The following ASIC2 variants were observed in gnomAD, a reference collection of about 807,000 sequenced individuals.
The protein encoded by ASIC2 is acid sensing ion channel subunit 2, also known as acid-sensing ion channel 2.
ASIC2 carries 25 observed loss-of-function variants against 57.3 expected under a neutral mutation model. That is an observed-to-expected ratio of 0.44 (90% CI 0.32 to 0.61). ASIC2 has a LOEUF of 0.61. Ranked by LOEUF, ASIC2 falls within the 20% of genes least tolerant of loss-of-function variation. The pLI is 0.06. For missense variants in ASIC2, 641 were observed against 738.1 expected, an observed-to-expected ratio of 0.87 and a Z score of 1.52; for synonymous variants, 319 against 307.5, an observed-to-expected ratio of 1.04 and a Z score of -0.39.
rs200806446 is a variant in ASIC2, at chr17:33,743,068, C to CA, written c.555+412909dup. Among the ~76,000 whole-genome samples the CA allele has an allele frequency of 3.0e-3, 462 of 152,338 alleles. 3 individuals are homozygous for CA. The highest frequency in any genetic ancestry group is 0.011 in the African/African-American group (445 of 41,568). On this transcript the variant is annotated intron_variant, in intron 1 of 9. Coordinates refer to the ASIC2 transcript ENST00000359872. ...TTTATCTTCCTAATGGGTTCAGTCA[C>CA]AAACCTCTCCCTGCTCTTGCAAATA...
chr17:33,942,013 G>A (rs182127969), intron 1 of ASIC2, among the ~76,000 whole-genome samples: 5 of 152,270 alleles, frequency 3.3e-5, no homozygotes, highest in South Asian at 2.1e-4. Context: ...TACGTGTACC[G>A]GGAACAAATA....
chr17:34,038,910 T>C, intron 1 of ASIC2: 1 of 1,612,832 alleles, frequency 6.2e-7, no homozygotes, highest in Admixed American at 1.7e-5. Flanking sequence ...TGTTGCTTGA[T>C]AAGATTCTGA....
intron 1 of ASIC2, among the ~76,000 whole-genome samples, chr17:33,487,942 G>A (rs1913627881): frequency 6.6e-6 from 1 of 152,150 alleles, no homozygotes; most frequent in African/African-American, 2.4e-5. Context: ...AGGTTTTGGG[G>A]ACTCAGACTG....
At chr17:33,155,110 A>G (rs970330955) in intron 1 of ASIC2, among the ~76,000 whole-genome samples, 1 of 152,210 alleles carries the variant, frequency 6.6e-6, no homozygotes, top group African/African-American at 2.4e-5. Flanking sequence ...ATCAACATAG[A>G]GAGCCACAGG....
intron 1 of ASIC2, among the ~76,000 whole-genome samples, chr17:34,135,177 T>C (rs1912093600): frequency 6.6e-6 from 1 of 152,230 alleles, no homozygotes. Context: ...CTCTGAGTTC[T>C]GGCCAGCAAA....
intron 1 of ASIC2, among the ~76,000 whole-genome samples, chr17:33,786,708 C>G (rs1034791356): frequency 2.2e-4 from 33 of 152,276 alleles, no homozygotes; most frequent in African/African-American, 7.9e-4. Context: ...ATCATGTGTC[C>G]TAAGCCCTGG....
intron 1 of ASIC2, among the ~76,000 whole-genome samples, chr17:33,922,305 C>T (rs938745830): frequency 6.6e-6 from 1 of 152,026 alleles, no homozygotes; most frequent in African/African-American, 2.4e-5. Context: ...CCCTCCCTCC[C>T]TCCTTCCTTC....
intron 1 of ASIC2, among the ~76,000 whole-genome samples, chr17:33,975,373 C>A (rs529972485): frequency 3.9e-5 from 6 of 152,222 alleles, no homozygotes; most frequent in African/African-American, 1.4e-4. Flanking sequence ...CCTCTATCTT[C>A]CTCTCTCCCC....
chr17:33,490,681 C>T (rs571938123), intron 1 of ASIC2, among the ~76,000 whole-genome samples: 2 of 152,320 alleles, frequency 1.3e-5, no homozygotes, highest in East Asian at 1.9e-4. Context: ...GCCTCCCCAG[C>T]CACGTGGAAC....
At chr17:33,919,906 C>G (rs758477468) in intron 1 of ASIC2, among the ~76,000 whole-genome samples, 2 of 152,076 alleles carry the variant, frequency 1.3e-5, no homozygotes, top group East Asian at 1.9e-4. Flanking sequence ...AAGTGGCCAA[C>G]AAACATGAAA....
intron 1 of ASIC2, among the ~76,000 whole-genome samples, chr17:33,510,298 C>T (rs941107573): frequency 6.6e-6 from 1 of 152,082 alleles, no homozygotes; most frequent in African/African-American, 2.4e-5. Flanking sequence ...TTTAAAGTGA[C>T]CCAACATTTA....
intron 1 of ASIC2, among the ~76,000 whole-genome samples, chr17:33,942,595 G>T (rs1349019480): frequency 6.6e-6 from 1 of 152,206 alleles, no homozygotes; most frequent in Non-Finnish European, 1.5e-5. Context: ...CGAAGTCACT[G>T]ATTAATGAGT....
intron 1 of ASIC2, among the ~76,000 whole-genome samples, chr17:33,782,547 C>T (rs1169383257): frequency 2.0e-5 from 3 of 151,916 alleles, no homozygotes; most frequent in East Asian, 1.9e-4. Context: ...GCCAACATAG[C>T]GAAACCTTGT....
At chr17:33,962,759 A>G (rs1369541402) in intron 1 of ASIC2, among the ~76,000 whole-genome samples, 2 of 152,190 alleles carry the variant, frequency 1.3e-5, no homozygotes, top group Non-Finnish European at 2.9e-5. Context: ...CTTAATATTC[A>G]TGCTCCATTC....
chr17:34,094,415 G>T (rs766612251), intron 1 of ASIC2, among the ~76,000 whole-genome samples: 5 of 152,192 alleles, frequency 3.3e-5, no homozygotes, highest in Admixed American at 6.5e-5. Flanking sequence ...CAGACAGGCT[G>T]CATCTCAAGC....
intron 1 of ASIC2, among the ~76,000 whole-genome samples, chr17:33,801,404 A>G (rs1367762652): frequency 1.3e-5 from 2 of 152,104 alleles, no homozygotes; most frequent in Non-Finnish European, 2.9e-5. Flanking sequence ...ACCCTGCTTG[A>G]TTGTCTGATC....
intron 3 of ASIC2, among the ~76,000 whole-genome samples, chr17:33,040,812 T>G (rs2091926735): frequency 6.6e-6 from 1 of 152,160 alleles, no homozygotes; most frequent in African/African-American, 2.4e-5. Context: ...GACAAGATAG[T>G]GCTCAACCTG....
At chr17:33,961,331 C>T (rs1904913599) in intron 1 of ASIC2, among the ~76,000 whole-genome samples, 1 of 152,214 alleles carries the variant, frequency 6.6e-6, no homozygotes, top group Admixed American at 6.5e-5. Context: ...TTGCAGGACC[C>T]AGCAGGGATA....
At chr17:33,349,296 T>C (rs1269089953) in intron 1 of ASIC2, among the ~76,000 whole-genome samples, 3 of 152,194 alleles carry the variant, frequency 2.0e-5, no homozygotes, top group Non-Finnish European at 4.4e-5. Context: ...AAATAAAACA[T>C]GTGTGAGGGT....
Sources: allele counts gnomAD v4.1 joint callset (sites outside exome capture counted in the v4.1 genomes callset), GRCh38; gene constraint gnomAD v4.1.1; transcripts MANE v1.5; gene names NCBI Gene and HGNC (gene_info 2026-07-23, HGNC 2026-07-21).